ARHGAP28: variants seen among roughly 807,000 people sequenced by gnomAD.
The protein encoded by ARHGAP28 is rho GTPase-activating protein 28.
ARHGAP28 carries 56 observed loss-of-function variants against 90.7 expected under a neutral mutation model. That is an observed-to-expected ratio of 0.62 (90% CI 0.50 to 0.77). The LOEUF is 0.77. Among genes scored for constraint, ARHGAP28 ranks in the 30% least tolerant of loss-of-function variants. The pLI is 0.00. For synonymous variants in ARHGAP28, 308 were observed against 323.3 expected (o/e 0.95, Z 0.51); for missense variants, 869 against 900.9 (o/e 0.96, Z 0.45).
chr18:6,874,804 C>T (rs558179857), intron 9 of ARHGAP28: 130 of 152,074 alleles, frequency 8.5e-4, no homozygotes, highest in African/African-American at 3.1e-3. Context: ...GGGTGACTTC[C>T]CTAGGCAGGG....
chr18:6,734,471 C>T (rs1025095298), intron 1 of ARHGAP28, among the ~76,000 whole-genome samples: 2 of 151,942 alleles, frequency 1.3e-5, no homozygotes, highest in African/African-American at 4.8e-5. Context: ...AGAAGCTAAC[C>T]AAGGTTATCC....
intron 16 of ARHGAP28, among the ~76,000 whole-genome samples, chr18:6,901,976 A>G (rs1344401492): frequency 6.6e-6 from 1 of 152,144 alleles, no homozygotes; most frequent in African/African-American, 2.4e-5. Flanking sequence ...ACATCATTTC[A>G]ATCTCTTCTC....
At chr18:6,862,896 T>C (rs2057009379) in intron 5 of ARHGAP28, among the ~76,000 whole-genome samples, 1 of 152,196 alleles carries the variant, frequency 6.6e-6, no homozygotes, top group Non-Finnish European at 1.5e-5. Context: ...CTAGTTTGCA[T>C]TGGTATTTAA....
intron 12 of ARHGAP28, among the ~76,000 whole-genome samples, chr18:6,889,615 T>A (rs1280324254): frequency 6.6e-6 from 1 of 152,188 alleles, no homozygotes; most frequent in Non-Finnish European, 1.5e-5. Context: ...TCTTTTAGGA[T>A]AAAAGAAAAG....
At chr18:6,879,470 T>G (rs1207988998) in intron 10 of ARHGAP28, among the ~76,000 whole-genome samples, 16 of 152,200 alleles carry the variant, frequency 1.1e-4, no homozygotes, top group Admixed American at 9.2e-4. Flanking sequence ...AAAACAGGGC[T>G]TCTGAACCTC....
rs748469883 is a variant in ARHGAP28, at chr18:6,912,093, T to C, written c.2129T>C (p.Leu710Ser). The change falls in exon 18 of 18, where the codon TTG becomes TCG. Residue 710 changes from leucine to serine, a missense_variant. Transcript: ENST00000383472. ...EHCLDPDAYI[L>S]DVYRINPQAE... ...TGCTTGGATCCAGATGCTTATATAT[T>C]GGATGTATATCGTATAAATCCTCAA... The C allele has an allele frequency of 5.6e-6, 9 of 1,608,466 alleles. No individual in the cohort carries two copies. The highest frequency in any genetic ancestry group is 2.2e-5 in the East Asian group (1 of 44,798).
At chr18:6,846,519 A>C (rs538022302) in intron 3 of ARHGAP28, among the ~76,000 whole-genome samples, 1 of 152,176 alleles carries the variant, frequency 6.6e-6, no homozygotes, top group South Asian at 2.1e-4. Context: ...CCTGTTTTGC[A>C]GATTTTGTCT....
At chr18:6,758,087 T>A (rs973419959) in intron 1 of ARHGAP28, among the ~76,000 whole-genome samples, 2 of 152,198 alleles carry the variant, frequency 1.3e-5, no homozygotes, top group African/African-American at 4.8e-5. Flanking sequence ...GGTGAAAGGT[T>A]TGGGAAACAA....
chr18:6,821,986 A>G (rs150055765), intron 1 of ARHGAP28, among the ~76,000 whole-genome samples: 75 of 152,232 alleles, frequency 4.9e-4, no homozygotes, highest in African/African-American at 1.8e-3. Context: ...TTGTTTGTCT[A>G]ATTTCTAAGA....
chr18:6,817,444 G>T (rs1426912270), intron 1 of ARHGAP28, among the ~76,000 whole-genome samples: 1 of 152,286 alleles, frequency 6.6e-6, no homozygotes, highest in Middle Eastern at 3.4e-3. Context: ...CCCTTAGTGG[G>T]ATACAGAGGG....
chr18:6,894,919 C>T (rs2057294045), intron 15 of ARHGAP28, 28 bp downstream of exon 15: 3 of 1,597,212 alleles, frequency 1.9e-6, no homozygotes, highest in African/African-American at 2.7e-5. Context: ...TTTTCCCTTC[C>T]ATTAACTCCC....
At chr18:6,789,755 C>G (rs115623139) in intron 1 of ARHGAP28, 1 of 151,974 alleles carries the variant, frequency 6.6e-6, no homozygotes, top group Admixed American at 6.6e-5. Context: ...TATTAGTATA[C>G]TTTTGATGGC....
intron 1 of ARHGAP28, among the ~76,000 whole-genome samples, chr18:6,812,996 G>C (rs1483129239): frequency 6.6e-6 from 1 of 152,212 alleles, no homozygotes; most frequent in Non-Finnish European, 1.5e-5. Context: ...CAGTAAACTG[G>C]AGAGGGTGAG....
At chr18:6,910,257 T>A (rs536706145) in intron 17 of ARHGAP28, among the ~76,000 whole-genome samples, 71 of 152,354 alleles carry the variant, frequency 4.7e-4, no homozygotes, top group Middle Eastern at 3.4e-3. Flanking sequence ...GCTGCGCTGC[T>A]GGAGACCCTG....
intron 16 of ARHGAP28, among the ~76,000 whole-genome samples, chr18:6,906,180 G>GACTATC (rs2057363755): frequency 6.6e-6 from 1 of 152,082 alleles, no homozygotes; most frequent in East Asian, 1.9e-4. Context: ...GTATGATATT[G>GACTATC]GTGGAAGGAT....
In ARHGAP28 at chr18:6,853,926, C is replaced by T. The variant is rs531756211; in HGVS notation, c.636+2800C>T. On this transcript the variant is annotated intron_variant, in intron 4 of 17. Transcript: ENST00000383472. The stretch of plus-strand genomic sequence containing the variant: ...TAAAAGTAGGCTGTACTCTGACCAC[C>T]GTGGGCACATGTTGTCAGGACACCC... 3.3e-5 allele frequency among the ~76,000 whole-genome samples: 5 copies of T among 152,276 alleles called. No homozygotes were observed. In the South Asian group the frequency reaches 6.2e-4, roughly 19 times the overall value.
intron 3 of ARHGAP28, among the ~76,000 whole-genome samples, chr18:6,847,075 T>TC (rs1366747297): frequency 6.6e-6 from 1 of 152,072 alleles, no homozygotes; most frequent in Non-Finnish European, 1.5e-5. Context: ...TTTGAGTGAT[T>TC]CCATAGGCTG....
chr18:6,912,104 C>A lies in ARHGAP28; in HGVS notation c.2140C>A (p.Arg714Ser). Residue 714 changes from arginine (R) to serine (S), a missense_variant, in exon 18 of 18, where the codon CGT becomes AGT. Transcript: ENST00000383472. ...DPDAYILDVY[R>S]INPQAEWVIK... The stretch of plus-strand genomic sequence containing the variant: ...AGATGCTTATATATTGGATGTATAT[C>A]GTATAAATCCTCAAGCAGAATGGGT... 6 of 1,608,470 alleles carry A rather than the reference C, an allele frequency of 3.7e-6. No individual in the cohort carries two copies. Among genetic ancestry groups the A allele is most frequent in the African/African-American group, 1.3e-5 (1 of 74,874 alleles).
At chr18:6,795,289 G>A (rs561581986) in intron 1 of ARHGAP28, among the ~76,000 whole-genome samples, 23 of 152,198 alleles carry the variant, frequency 1.5e-4, no homozygotes, top group African/African-American at 4.8e-4. Flanking sequence ...GTCCCTGCGA[G>A]AAAGAAGAGT....
Sources: allele counts gnomAD v4.1 joint callset (sites outside exome capture counted in the v4.1 genomes callset), GRCh38; gene constraint gnomAD v4.1.1; transcripts MANE v1.5; gene names NCBI Gene and HGNC (gene_info 2026-07-23, HGNC 2026-07-21).